Variants in CFAP61 observed in about 807,000 individuals in gnomAD.
The protein encoded by CFAP61 is cilia- and flagella-associated protein 61.
In CFAP61, 107 loss-of-function variants were observed where a neutral mutation model predicts 135.6. The observed-to-expected ratio is 0.79, with a 90% confidence interval of 0.67 to 0.93. CFAP61 has a LOEUF of 0.93. CFAP61 is among the 40% of genes least tolerant of loss of function. The pLI, the probability that CFAP61 is intolerant of heterozygous loss-of-function variation, is 0.00. For missense variants in CFAP61, 1,507 were observed against 1,556.2 expected (o/e 0.97, Z 0.53); for synonymous variants, 575 against 578.5 (o/e 0.99, Z 0.09).
chr20:20,163,187 A>G (rs1348502389), intron 10 of CFAP61, among the ~76,000 whole-genome samples: 1 of 152,230 alleles, frequency 6.6e-6, no homozygotes, highest in Non-Finnish European at 1.5e-5. Context: ...AAATTTTTCC[A>G]TATGCATGTA....
chr20:20,120,260 G>A (rs199658005), intron 8 of CFAP61, among the ~76,000 whole-genome samples: 1 of 152,128 alleles, frequency 6.6e-6, no homozygotes, highest in Non-Finnish European at 1.5e-5. Flanking sequence ...CTTTTCTGAT[G>A]TGGGCTTTTA....
chr20:20,132,682 A>G (rs570099735), intron 8 of CFAP61, among the ~76,000 whole-genome samples: 2 of 152,124 alleles, frequency 1.3e-5, no homozygotes, highest in East Asian at 1.9e-4. Flanking sequence ...TTTTAAGTCT[A>G]TGTTATTTAA....
intron 18 of CFAP61, chr20:20,228,635 G>C (rs1306859230): frequency 3.2e-6 from 1 of 309,580 alleles, no homozygotes; most frequent in Non-Finnish European, 6.1e-6. Flanking sequence ...TTTATGTGTT[G>C]TCTGTGGCCA....
At chr20:20,319,309 G>A (rs145695966) in intron 25 of CFAP61, among the ~76,000 whole-genome samples, 2 of 152,298 alleles carry the variant, frequency 1.3e-5, no homozygotes, top group East Asian at 3.9e-4. Context: ...AGATAATGAG[G>A]CAATGTCTTC....
intron 17 of CFAP61, among the ~76,000 whole-genome samples, chr20:20,201,395 T>C (rs972899935): frequency 1.3e-5 from 2 of 152,180 alleles, no homozygotes; most frequent in African/African-American, 4.8e-5. Flanking sequence ...CCACTTCCCC[T>C]TTCTCCTATA....
chr20:20,160,764 T>G (rs2053330018), intron 10 of CFAP61, among the ~76,000 whole-genome samples: 1 of 152,204 alleles, frequency 6.6e-6, no homozygotes. Flanking sequence ...CTGAGCACTC[T>G]GTGAAGACAA....
intron 10 of CFAP61, 86 bp downstream of exon 10, chr20:20,159,530 C>A: frequency 1.7e-6 from 2 of 1,184,994 alleles, no homozygotes; most frequent in Non-Finnish European, 2.5e-6. Flanking sequence ...GTGCCCTTTC[C>A]TCCTCCCAAT....
chr20:20,110,654 G>T (rs1027269402), intron 8 of CFAP61, among the ~76,000 whole-genome samples: 2 of 152,134 alleles, frequency 1.3e-5, no homozygotes, highest in East Asian at 1.9e-4. Context: ...AAGGTTGTTG[G>T]TGATGGCGTA....
At chr20:20,224,202 C>T (rs1168627483) in intron 17 of CFAP61, among the ~76,000 whole-genome samples, 2 of 152,138 alleles carry the variant, frequency 1.3e-5, no homozygotes, top group African/African-American at 4.8e-5. Context: ...AGTGACTCAG[C>T]TACTCACATG....
chr20:20,200,842 T>C, intron 17 of CFAP61: 1 of 985,406 alleles, frequency 1.0e-6, no homozygotes, highest in Non-Finnish European at 1.2e-6. Context: ...GTGCGTGCAC[T>C]GAGGGATGGG....
intron 8 of CFAP61, among the ~76,000 whole-genome samples, chr20:20,115,531 AT>A (rs2049079420): frequency 6.6e-6 from 1 of 151,930 alleles, no homozygotes; most frequent in Non-Finnish European, 1.5e-5. Context: ...ACTAGGTCTT[AT>A]TTCTTCTATT....
chr20:20,312,222 A>C (rs1470842986), intron 25 of CFAP61, among the ~76,000 whole-genome samples: 11 of 152,224 alleles, frequency 7.2e-5, no homozygotes, highest in African/African-American at 2.7e-4. Flanking sequence ...ACTGACTCAG[A>C]TGTTAGAATT....
intron 25 of CFAP61, among the ~76,000 whole-genome samples, chr20:20,328,590 A>G (rs983740204): frequency 6.6e-6 from 1 of 152,236 alleles, no homozygotes; most frequent in Non-Finnish European, 1.5e-5. Context: ...ATTTCAAAAA[A>G]AAAGGCAACC....
chr20:20,195,895 A>G (rs1400797489), intron 15 of CFAP61, among the ~76,000 whole-genome samples: 1 of 152,234 alleles, frequency 6.6e-6, no homozygotes, highest in Non-Finnish European at 1.5e-5. Flanking sequence ...CCTGGCCAAC[A>G]TGGTGAAACC....
chr20:20,075,172 C>G lies in CFAP61; in HGVS notation c.372-17C>G, dbSNP rs772687935. 1 of 1,613,160 alleles carries G rather than the reference C, an allele frequency of 6.2e-7. No homozygotes were observed. The highest frequency in any genetic ancestry group is 1.1e-5 in the South Asian group (1 of 91,054). On this transcript the variant is annotated splice_polypyrimidine_tract_variant and intron_variant, in intron 4 of 26. Coordinates refer to ENST00000245957, the MANE Select transcript of CFAP61 (RefSeq NM_015585.4). Reference sequence around the variant, plus strand: ...GCTTTGTTAGTAACACTGCCCCACCCTCTCTTTCCTCACCAGAACCGTGTA... The same window carrying G: ...GCTTTGTTAGTAACACTGCCCCACCGTCTCTTTCCTCACCAGAACCGTGTA...
chr20:20,102,610 C>A lies in CFAP61; in HGVS notation c.859+3796C>A, dbSNP rs148064854. 6.1e-3 allele frequency among the ~76,000 whole-genome samples: 930 copies of A among 152,146 alleles called. 9 individuals are homozygous for A. The highest frequency in any genetic ancestry group is 0.021 in the African/African-American group (888 of 41,500). On this transcript the variant is annotated intron_variant, in intron 8 of 26. Transcript: ENST00000245957. Reference sequence around the variant, plus strand: ...TATTAAGCCTAGTACCCATTAGTTACTTTTCCTGATCCTCTCCCTCCTCCC... The same window carrying A: ...TATTAAGCCTAGTACCCATTAGTTAATTTTCCTGATCCTCTCCCTCCTCCC...
chr20:20,093,947 G>A (rs975001946), intron 7 of CFAP61, among the ~76,000 whole-genome samples: 3 of 152,038 alleles, frequency 2.0e-5, no homozygotes, highest in African/African-American at 2.4e-5. Flanking sequence ...AAAGTGCTAC[G>A]GTTACAGGCA....
chr20:20,280,999 C>G (rs1290489620), intron 22 of CFAP61, among the ~76,000 whole-genome samples: 1 of 152,022 alleles, frequency 6.6e-6, no homozygotes, highest in Non-Finnish European at 1.5e-5. Context: ...TTTTAGTAGC[C>G]ATTAGTATTT....
At chr20:20,057,480 G>A (rs2146533698) in intron 2 of CFAP61, among the ~76,000 whole-genome samples, 1 of 152,272 alleles carries the variant, frequency 6.6e-6, no homozygotes, top group African/African-American at 2.4e-5. Flanking sequence ...ATACTTCTCT[G>A]AGGTGGCCAC....
Sources: gnomAD v4.1 joint callset for allele counts (sites outside exome capture counted in the v4.1 genomes callset) on GRCh38, gnomAD v4.1.1 for gene constraint, MANE v1.5 for transcripts, NCBI Gene and HGNC (gene_info 2026-07-23, HGNC 2026-07-21) for gene names.